CEP170B: variants seen among roughly 807,000 people sequenced by gnomAD.
The protein encoded by CEP170B is centrosomal protein of 170 kDa protein B.
CEP170B carries 55 observed loss-of-function variants against 120.6 expected under a neutral mutation model. The observed-to-expected ratio is 0.46, with a 90% CI of 0.37 to 0.57. The LOEUF is 0.57. CEP170B is among the 20% of genes least tolerant of loss of function. The pLI, the probability that CEP170B is intolerant of heterozygous loss-of-function variation, is 0.00. For missense variants in CEP170B, 2,212 were observed against 2,253.3 expected (o/e 0.98, Z 0.37); for synonymous variants, 1,033 against 954.5 (o/e 1.08, Z -1.52).
chr14:104,887,303 C>G lies in CEP170B; in HGVS notation c.3064C>G (p.Arg1022Gly), dbSNP rs773489458. The change falls in exon 12 of 19, where the codon CGT (arginine) becomes GGT (glycine). Residue 1022 changes from arginine to glycine, a missense_variant. Coordinates refer to ENST00000414716, the MANE Select transcript of CEP170B (RefSeq NM_001112726.3). ...HHPLGPTDMG[R>G]GEPVRRSAIR... is the part of the protein sequence containing the mutation. ...CCCACTTGGCCCGACGGACATGGGC[C>G]GTGGAGAGCCGGTACGGCGCTCAGC... The G allele has an allele frequency of 7.5e-6, 12 of 1,609,892 alleles. No homozygotes were observed. The South Asian group carries it at 1.3e-4, about 18-fold the overall frequency.
In CEP170B at chr14:104,896,666, G is replaced by A. The variant is rs948141432; in HGVS notation, c.*1708G>A. On this transcript the variant is annotated 3_prime_UTR_variant, in exon 19 of 19. Transcript: ENST00000414716. ...TGTACATTCGTTCTCAGGTGGTCTTGTGGCTGTCTTTCGGAAAATGGTTAT... is the reference window on the plus strand; with the variant it reads ...TGTACATTCGTTCTCAGGTGGTCTTATGGCTGTCTTTCGGAAAATGGTTAT... 4.4e-6 allele frequency: 2 copies of A among 456,040 alleles called. No homozygotes were observed. The highest frequency in any genetic ancestry group is 4.0e-5 in the African/African-American group (2 of 50,024). 28.2% of individuals were successfully genotyped at this position (456,040 alleles called of 1,614,324 possible). A position where few individuals can be genotyped will look rare whatever the true frequency, so the allele number is the denominator to read the frequency against.
chr14:104,894,166 T>C (rs1896979872), intron 16 of CEP170B, 119 bp from the exon 17 acceptor site: 3 of 811,308 alleles, frequency 3.7e-6, no homozygotes, highest in South Asian at 1.6e-5. Context: ...GTTTCCCCCT[T>C]AGGCCCAGGT....
rs771046347 is a variant in CEP170B at position 104,887,304 on chromosome 14, G to A, written c.3065G>A (p.Arg1022His). The A allele has an allele frequency of 1.9e-5, 31 of 1,609,840 alleles. No individual in the cohort carries two copies. Among genetic ancestry groups the A allele is most frequent in the African/African-American group, 2.7e-5 (2 of 74,902 alleles). ...HHPLGPTDMG[R>H]GEPVRRSAIR... ...CCACTTGGCCCGACGGACATGGGCC[G>A]TGGAGAGCCGGTACGGCGCTCAGCC... Residue 1022 changes from arginine to histidine, a missense_variant, in exon 12 of 19, where the codon CGT (arginine) becomes CAT (histidine). Coordinates refer to ENST00000414716, the MANE Select transcript of CEP170B (RefSeq NM_001112726.3).
Position 104,884,099 on chromosome 14 carries a change from G to A in CEP170B, c.1320G>A (p.Pro440=), listed in dbSNP as rs775870934. 3.8e-5 allele frequency: 60 copies of A among 1,583,356 alleles called. 1 individual carries two copies. The highest frequency in any genetic ancestry group is 5.4e-5 in the Admixed American group (3 of 55,520). The change falls in exon 9 of 19, where the codon CCG becomes CCA. Residue 440 remains proline, a synonymous_variant. Transcript: ENST00000414716. ...CCGACAAGCGCCGTGGCCCAACGCC[G>A]GCCGATAGGGACCGCCCCAGTGTCC... ...PKADKRRGPT[P]ADRDRPSVPA...
rs969322015 is a variant in CEP170B, at chr14:104,882,785, A to G, written c.530A>G (p.Asp177Gly). Reference protein sequence around the residue: ...YGQPSWWGEDDGSTLPDAQRQ... With the variant: ...YGQPSWWGEDGGSTLPDAQRQ... ...CAGCCCTCCTGGTGGGGTGAGGACGATGGTAGCACGCTGCCTGACGCCCAG... is the reference window on the plus strand; with the variant it reads ...CAGCCCTCCTGGTGGGGTGAGGACGGTGGTAGCACGCTGCCTGACGCCCAG... Residue 177 changes from aspartate (D) to glycine (G), a missense_variant, in exon 7 of 19, where the codon GAT (aspartate) becomes GGT (glycine). Around this residue, in one of 2 missense-constraint regions of CEP170B, gnomAD observed 2,166 missense variants for 2,166.7 expected, o/e 1.00. Transcript: ENST00000414716. 6.2e-7 allele frequency: 1 copy of G among 1,612,330 alleles called. No individual in the cohort carries two copies. Among genetic ancestry groups the G allele is most frequent in the African/African-American group, 1.3e-5 (1 of 75,024 alleles).
chr14:104,894,053 C>G (rs1458016022), intron 16 of CEP170B: 1 of 655,204 alleles, frequency 1.5e-6, no homozygotes, highest in East Asian at 2.7e-5. Context: ...CAGGGCGGCC[C>G]TTCCTCCCCT....
intron 2 of CEP170B, among the ~76,000 whole-genome samples, chr14:104,871,824 C>T (rs967237848): frequency 5.3e-5 from 8 of 152,146 alleles, no homozygotes; most frequent in South Asian, 2.1e-4. Context: ...GTGGGCGGCC[C>T]GAGGCCTGGG....
At position 104,877,951 on chromosome 14, in the gene CEP170B, C is replaced by A. The variant is rs749287706; in HGVS notation, c.262C>A (p.Arg88Ser). 6.2e-7 allele frequency: 1 copy of A among 1,605,988 alleles called. No individual in the cohort carries two copies. Among genetic ancestry groups the A allele is most frequent in the Admixed American group, 1.7e-5 (1 of 59,104 alleles). ...YVTLKLNDVI[R>S]FGYDSNMYVL... ...CACGCTGAAGCTCAACGATGTCATC[C>A]GCTTCGGCTACGATATCCTGCCCCT... is the stretch of plus-strand genomic sequence containing the variant. Residue 88 changes from arginine to serine, a missense_variant, in exon 4 of 19, where the codon CGC (arginine) becomes AGC (serine). Physicochemically the swap from Arg to Ser is moderately radical, Grantham distance 110. Around this residue, in one of 2 missense-constraint regions of CEP170B, gnomAD observed 2,166 missense variants for 2,166.7 expected, o/e 1.00. Coordinates refer to ENST00000414716, the MANE Select transcript of CEP170B (RefSeq NM_001112726.3).
rs571094360 is a variant in CEP170B, at chr14:104,886,909, G to A, written c.2670G>A (p.Pro890=). Residue 890 remains proline (P), a synonymous_variant, in exon 12 of 19, where the codon CCG becomes CCA. Transcript: ENST00000414716. ...AGCCCCCCCACATCTCCAGCCACCC[G>A]CTTCTACAGGACCTGGCCGCTACCC... is the stretch of plus-strand genomic sequence containing the variant. ...PGKPPHISSH[P]LLQDLAATRA... is the part of the protein sequence containing the mutation. 21 of 1,610,106 alleles carry A rather than the reference G, an allele frequency of 1.3e-5. No individual in the cohort carries two copies. Among genetic ancestry groups the A allele is most frequent in the Admixed American group, 8.3e-5 (5 of 60,012 alleles).
chr14:104,894,170 C>G, intron 16 of CEP170B, 115 bp from the exon 17 acceptor site: 1 of 839,552 alleles, frequency 1.2e-6, no homozygotes, highest in Non-Finnish European at 2.0e-6. Flanking sequence ...CCCCCTTAGG[C>G]CCAGGTGGGC....
Position 104,886,627 on chromosome 14 carries a change from T to C in CEP170B, c.2388T>C (p.Ser796=). 1 of 1,522,732 alleles carries C rather than the reference T, an allele frequency of 6.6e-7. No individual in the cohort carries two copies. Among genetic ancestry groups the C allele is most frequent in the East Asian group, 2.3e-5 (1 of 44,168 alleles). 94.3% of individuals were successfully genotyped at this position (1,522,732 alleles called of 1,614,324 possible). The change falls in exon 12 of 19, where the codon TCT becomes TCC. Residue 796 remains serine, a synonymous_variant. Coordinates refer to ENST00000414716, the MANE Select transcript of CEP170B (RefSeq NM_001112726.3). ...PRAPGEPTPA[S]FFIGDQNGDA... Reference sequence around the variant, plus strand: ...CCCCCGGGGAGCCAACTCCCGCCTCTTTCTTCATTGGGGACCAGAATGGGG... The same window carrying C: ...CCCCCGGGGAGCCAACTCCCGCCTCCTTCTTCATTGGGGACCAGAATGGGG...
In CEP170B at chr14:104,893,524, TG is replaced by T; in HGVS notation, c.4042del (p.Val1348CysfsTer19). The T allele has an allele frequency of 6.2e-7, 1 of 1,602,508 alleles. No individual in the cohort carries two copies. The highest frequency in any genetic ancestry group is 8.5e-7 in the Non-Finnish European group (1 of 1,176,204). Reference protein sequence around the residue: ...PASTISAREELVQRIPEASLN... With the variant: ...PASTISAREEXVQRIPEASLN... The stretch of plus-strand genomic sequence containing the variant: ...CGGTGCCGGCCCTCCCTCTTGCAGC[TG>T]GTGCAGCGCATCCCCGAGGCCAGCC... On this transcript the variant is annotated frameshift_variant and splice_region_variant, in exon 15 of 19. Transcript: ENST00000414716. LOFTEE classifies it high-confidence loss of function.
chr14:104,893,479 G>A, intron 14 of CEP170B, 44 bp from the exon 15 acceptor site: 2 of 1,573,012 alleles, frequency 1.3e-6, no homozygotes, highest in South Asian at 1.2e-5. Flanking sequence ...AGCCTGGCAG[G>A]AGCCTCTGCC....
intron 6 of CEP170B, among the ~76,000 whole-genome samples, chr14:104,881,981 G>A (rs1002080555): frequency 6.6e-6 from 1 of 152,134 alleles, no homozygotes; most frequent in Non-Finnish European, 1.5e-5. Flanking sequence ...GGGCCATGAC[G>A]CAGAGGCCCC....
At chr14:104,878,592 C>T (rs1895983163) in intron 5 of CEP170B, 91 bp downstream of exon 5, 2 of 1,415,260 alleles carry the variant, frequency 1.4e-6, no homozygotes, top group South Asian at 2.3e-5. Flanking sequence ...CCCCAGCAAA[C>T]ACTCACCAGG....
intron 2 of CEP170B, among the ~76,000 whole-genome samples, chr14:104,871,861 C>G (rs1234790698): frequency 6.6e-6 from 1 of 152,188 alleles, no homozygotes; most frequent in Admixed American, 6.5e-5. Context: ...GGGGCGGTAG[C>G]TTGGACCACA....
intron 5 of CEP170B, among the ~76,000 whole-genome samples, chr14:104,879,394 G>T (rs1404118484): frequency 4.6e-5 from 7 of 152,164 alleles, no homozygotes; most frequent in African/African-American, 1.7e-4. Context: ...CAAGGTGGCA[G>T]GATTTGGGGT....
At position 104,867,950 on chromosome 14, in the gene CEP170B, G is replaced by T. The variant is rs1417227257; in HGVS notation, c.-27-474G>T. Among the ~76,000 whole-genome samples the T allele has an allele frequency of 6.6e-6, 1 of 152,092 alleles. No homozygotes were observed. The highest frequency in any genetic ancestry group is 1.5e-5 in the Non-Finnish European group (1 of 67,996). On this transcript the variant is annotated intron_variant, in intron 1 of 18. Transcript: ENST00000414716. The surrounding 1 kb of genome is among the most constrained non-coding windows in gnomAD (Gnocchi z 5.4). ...CAGTCTCAGAGTGTCCTGCTGGGGG[G>T]AGTGGGTCCTCTTGTTCAGTGTATG...
At position 104,870,880 on chromosome 14, in the gene CEP170B, G is replaced by T. The variant is rs901322201; in HGVS notation, c.105+2325G>T. Among the ~76,000 whole-genome samples, 1 of 152,056 alleles carries T rather than the reference G, an allele frequency of 6.6e-6. No individual in the cohort carries two copies. The highest frequency in any genetic ancestry group is 1.5e-5 in the Non-Finnish European group (1 of 67,984). ...CAGGGAGGCCTTGCAGGTGTGGCGA[G>T]TGTGGGAAGGCTGTCTGCCTCCCGG... On this transcript the variant is annotated intron_variant, in intron 2 of 18. Coordinates refer to ENST00000414716, the MANE Select transcript of CEP170B (RefSeq NM_001112726.3). This position sits in a 1 kb window ranked among gnomAD's most constrained non-coding sequence, Gnocchi z 4.1.
Sources: allele counts gnomAD v4.1 joint callset (sites outside exome capture counted in the v4.1 genomes callset), GRCh38; gene constraint gnomAD v4.1.1; regional missense constraint gnomAD v4.1.1; non-coding constraint Gnocchi (gnomAD v3.1); transcripts MANE v1.5; gene names NCBI Gene and HGNC (gene_info 2026-07-23, HGNC 2026-07-21).